The following UGT2B11 variants were observed in gnomAD, a reference collection of about 807,000 sequenced individuals.
UGT2B11 encodes UDP glucuronosyltransferase family 2 member B11.
UGT2B11 carries 49 observed loss-of-function variants against 51.7 expected under a neutral mutation model. The observed-to-expected ratio is 0.95, with a 90% CI of 0.75 to 1.20. The LOEUF (loss-of-function observed/expected upper bound fraction) is 1.20. UGT2B11 is among the 50% of genes most tolerant of loss of function. UGT2B11 has a pLI of 0.00. For missense variants in UGT2B11, 810 were observed against 622.1 expected (o/e 1.30, Z -3.21); for synonymous variants, 273 against 209.0 (o/e 1.31, Z -2.64).
At chr4:69,208,594 G>A (rs1440785571) in intron 2 of UGT2B11, 112 bp from the exon 3 acceptor site, 4 of 1,509,478 alleles carry the variant, frequency 2.6e-6, no homozygotes, top group Admixed American at 4.5e-5. Context: ...AGGAATTATT[G>A]GAATTAATAA....
At chr4:69,224,038 G>T in the UGT2B11 span, among the ~76,000 whole-genome samples, 1 of 152,236 alleles carries the variant, frequency 6.6e-6, no homozygotes, top group South Asian at 2.1e-4. Flanking sequence ...CATACACTAT[G>T]GTGGGGAACT....
At chr4:69,220,154 A>G in the UGT2B11 span, among the ~76,000 whole-genome samples, 6 of 152,318 alleles carry the variant, frequency 3.9e-5, no homozygotes, top group Non-Finnish European at 5.9e-5. Flanking sequence ...CAGGTAAGGC[A>G]ATAAAATCCA....
In UGT2B11 at chr4:69,206,754, G is replaced by C. The variant is rs868708691; in HGVS notation, c.1003-1187C>G. 2.6e-5 allele frequency among the ~76,000 whole-genome samples: 4 copies of C among 151,562 alleles called. No individual in the cohort carries two copies. The South Asian group carries it at 8.3e-4, about 31-fold the overall frequency. ...GTTACTATTTAGTAATGACCTGTAT[G>C]TTTGTTTTATGTATTTTATATTAGT... is the stretch of plus-strand genomic sequence containing the variant. On this transcript the variant is annotated intron_variant, in intron 3 of 5. Transcript: ENST00000446444.
the UGT2B11 span, among the ~76,000 whole-genome samples, chr4:69,223,063 G>A: frequency 4.6e-5 from 7 of 152,124 alleles, no homozygotes; most frequent in Admixed American, 1.3e-4. Flanking sequence ...TTGTACATAA[G>A]GGACATCACT....
Position 69,204,743 on chromosome 4 carries a change from A to G in UGT2B11, c.1091-94T>C, listed in dbSNP as rs1335785576. ...AAAGTGACAGTGTTTTCTAGATAAC[A>G]CATTGAACTAATTTGCTATTACTTT... On this transcript the variant is annotated intron_variant, in intron 4 of 5. Transcript: ENST00000446444. The G allele has an allele frequency of 6.3e-6, 10 of 1,574,888 alleles. No individual in the cohort carries two copies. In the African/African-American group the frequency reaches 8.2e-5, roughly 13 times the overall value.
the UGT2B11 span, among the ~76,000 whole-genome samples, chr4:69,221,445 C>A: frequency 6.6e-6 from 1 of 150,726 alleles, no homozygotes; most frequent in Non-Finnish European, 1.5e-5. Context: ...ATTCTTTGCC[C>A]TTCCAAATTG....
At chr4:69,202,599 A>G (rs1721702242) in intron 5 of UGT2B11, among the ~76,000 whole-genome samples, 1 of 151,680 alleles carries the variant, frequency 6.6e-6, no homozygotes, top group African/African-American at 2.4e-5. Context: ...TGTATTGTAT[A>G]TGTATATATG....
Position 69,200,531 on chromosome 4 carries a change from C to G in UGT2B11, c.1499G>C (p.Cys500Ser). The G allele has an allele frequency of 6.2e-7, 1 of 1,612,290 alleles. No individual in the cohort carries two copies. Among genetic ancestry groups the G allele is most frequent in the South Asian group, 1.1e-5 (1 of 91,016 alleles). The change falls in exon 6 of 6, where the codon TGT becomes TCT. Residue 500 changes from cysteine (C) to serine (S), a missense_variant. Cys to Ser is a moderately radical substitution (Grantham distance 112). Coordinates refer to ENST00000446444, the MANE Select transcript of UGT2B11 (RefSeq NM_001073.3). ...GATGATAAATATCACAGTTGCCACA[C>G]AGGCCAGCAGAAACCCAATCACATC... ...SLDVIGFLLACVATVIFIITK... is the reference protein window; with the variant it reads ...SLDVIGFLLASVATVIFIITK...
Position 69,214,197 on chromosome 4 carries a change from G to A in UGT2B11, c.526C>T (p.Pro176Ser). The A allele has an allele frequency of 6.2e-7, 1 of 1,613,068 alleles. No individual in the cohort carries two copies. Among genetic ancestry groups the A allele is most frequent in the Non-Finnish European group, 8.5e-7 (1 of 1,179,428 alleles). ...CTGTGCCTTTCAATTGTGTAGCCAG[G>A]AGTAAAGCGGAGACTGTACACAAAC... The part of the protein sequence containing the change: ...IRFVYSLRFT[P>S]GYTIERHSGG... The change falls in exon 1 of 6, where the codon CCT becomes TCT. Residue 176 changes from proline to serine, a missense_variant. Transcript: ENST00000446444.
At chr4:69,212,549 T>C (rs1553919921) in intron 2 of UGT2B11, 24 bp downstream of exon 2, 34 of 1,595,856 alleles carry the variant, frequency 2.1e-5, no homozygotes, top group Non-Finnish European at 2.8e-5. Flanking sequence ...GCCAACAAAA[T>C]AAAACCAACA....
chr4:69,208,095 C>T (rs577101121), intron 3 of UGT2B11, among the ~76,000 whole-genome samples: 20 of 151,588 alleles, frequency 1.3e-4, no homozygotes, highest in East Asian at 5.9e-4. Context: ...TGGATACCTA[C>T]GGAGTACTGA....
At chr4:69,220,772 C>T in the UGT2B11 span, among the ~76,000 whole-genome samples, 27 of 151,902 alleles carry the variant, frequency 1.8e-4, no homozygotes, top group African/African-American at 5.8e-4. Flanking sequence ...TGATTCCTGA[C>T]TGGTTAATGA....
chr4:69,202,930 G>A (rs1422854796), intron 5 of UGT2B11, among the ~76,000 whole-genome samples: 1 of 151,540 alleles, frequency 6.6e-6, no homozygotes, highest in African/African-American at 2.4e-5. Flanking sequence ...TTTATTGAGA[G>A]TAGTTATAAA....
At chr4:69,209,218 T>C (rs1721968618) in intron 2 of UGT2B11, among the ~76,000 whole-genome samples, 1 of 151,708 alleles carries the variant, frequency 6.6e-6, no homozygotes, top group African/African-American at 2.4e-5. Flanking sequence ...GTTGAATAAT[T>C]GTACCTTTTG....
chr4:69,209,038 A>G (rs1443377512), intron 2 of UGT2B11, among the ~76,000 whole-genome samples: 1 of 151,674 alleles, frequency 6.6e-6, no homozygotes, highest in Non-Finnish European at 1.5e-5. Context: ...TGCTTCACTT[A>G]AAGTTTGTCA....
At position 69,214,378 on chromosome 4, in the gene UGT2B11, G is replaced by A; in HGVS notation, c.345C>T (p.Ile115=). Reference sequence around the variant, plus strand: ...TAAATATGTCATATAATTCCCACAGGATTTCTTGTTCTTGTGAAAAATATA... The same window carrying A: ...TAAATATGTCATATAATTCCCACAGAATTTCTTGTTCTTGTGAAAAATATA... ...FWLYFSQEQE[I]LWELYDIFRN... is the part of the protein sequence containing the mutation. Residue 115 remains isoleucine (I), a synonymous_variant, in exon 1 of 6, where the codon ATC becomes ATT. Transcript: ENST00000446444. 1 of 1,612,568 alleles carries A rather than the reference G, an allele frequency of 6.2e-7. No homozygotes were observed. The highest frequency in any genetic ancestry group is 8.5e-7 in the Non-Finnish European group (1 of 1,179,324).
chr4:69,211,609 T>C (rs1577965292), intron 2 of UGT2B11, among the ~76,000 whole-genome samples: 1 of 151,652 alleles, frequency 6.6e-6, no homozygotes, highest in East Asian at 1.9e-4. Flanking sequence ...TTGTCTGTTT[T>C]AATATTTTTT....
chr4:69,214,767 C>T (rs373190626), upstream of UGT2B11: 192 of 1,591,834 alleles, frequency 1.2e-4, no homozygotes, highest in African/African-American at 4.3e-4. Context: ...GTTTCTTTCT[C>T]ATACTTATAT....
At chr4:69,212,857 G>GAATAATATATATATAT (rs1722126228) in intron 1 of UGT2B11, 136 bp from the exon 2 acceptor site, 2 of 711,290 alleles carry the variant, frequency 2.8e-6, no homozygotes, top group African/African-American at 3.8e-5. Context: ...AAATATATAT[G>GAATAATATATATATAT]AATAATATAT....
Sources: gnomAD v4.1 joint callset for allele counts (sites outside exome capture counted in the v4.1 genomes callset) on GRCh38, gnomAD v4.1.1 for gene constraint, MANE v1.5 for transcripts, NCBI Gene and HGNC (gene_info 2026-07-23, HGNC 2026-07-21) for gene names.